The following R3HDM2 variants were observed in gnomAD, a reference collection of about 807,000 sequenced individuals.
R3HDM2 encodes R3H domain-containing protein 2.
A neutral mutation model predicts 124.5 loss-of-function variants in R3HDM2; 38 were observed. That is an observed-to-expected ratio of 0.31 (90% CI 0.24 to 0.40). The LOEUF is 0.40. Ranked by LOEUF, R3HDM2 falls within the 10% of genes least tolerant of loss-of-function variation. The pLI, the probability that R3HDM2 is intolerant of heterozygous loss-of-function variation, is 1.00. For synonymous variants in R3HDM2, 391 were observed against 448.0 expected, an observed-to-expected ratio of 0.87 and a Z score of 1.61; for missense variants, 869 against 1,236.9, an observed-to-expected ratio of 0.70 and a Z score of 4.46.
chr12:57,310,235 T>C (rs1260482577), intron 3 of R3HDM2, 29 bp downstream of exon 3: 5 of 1,445,132 alleles, frequency 3.5e-6, no homozygotes, highest in South Asian at 2.9e-5. Context: ...AAAAAAAAAG[T>C]GTGCATACAA....
At chr12:57,359,372 T>C (rs893515811) in intron 2 of R3HDM2, among the ~76,000 whole-genome samples, 14 of 152,202 alleles carry the variant, frequency 9.2e-5, no homozygotes, top group Admixed American at 6.5e-4. Flanking sequence ...TTTGGAACTA[T>C]TACTATATGT....
Position 57,427,390 on chromosome 12 carries a change from C to T in R3HDM2, c.-106+3330G>A, listed in dbSNP as rs567848009. Among the ~76,000 whole-genome samples the T allele has an allele frequency of 6.3e-4, 94 of 148,640 alleles. 1 individual carries two copies. The highest frequency in any genetic ancestry group is 2.3e-3 in the African/African-American group (92 of 40,566). On this transcript the variant is annotated intron_variant, in intron 1 of 23. Transcript: ENST00000402412. ...TTTGAGACAAAGTCTCAGTCTGTTG[C>T]CCAGGCTGGAGTGCAGTGGCACGAT...
rs1477006468 is a variant in R3HDM2 at position 57,254,581 on chromosome 12, C to G, written c.*192G>C. The G allele has an allele frequency of 5.5e-6, 3 of 549,212 alleles. No homozygotes were observed. The highest frequency in any genetic ancestry group is 9.4e-6 in the Non-Finnish European group (3 of 319,438). 34.0% of individuals were successfully genotyped at this position (549,212 alleles called of 1,614,324 possible). ...GGGTCAACCAGGGAAAAAGAGAGGA[C>G]CCATGGCAGGGGAGCAAGAAGGAGT... On this transcript the variant is annotated 3_prime_UTR_variant, in exon 24 of 24. Transcript: ENST00000402412.
At chr12:57,350,509 C>T (rs1050681063) in intron 2 of R3HDM2, among the ~76,000 whole-genome samples, 2 of 152,168 alleles carry the variant, frequency 1.3e-5, no homozygotes, top group African/African-American at 4.8e-5. Flanking sequence ...GATGGTTACC[C>T]TCTAATCCCA....
intron 14 of R3HDM2, among the ~76,000 whole-genome samples, 192 bp from the exon 15 acceptor site, chr12:57,270,186 CA>C (rs1221107947): frequency 6.6e-6 from 1 of 152,166 alleles, no homozygotes; most frequent in East Asian, 1.9e-4. Flanking sequence ...CTCTCTATCA[CA>C]TATGAGGTAA....
chr12:57,356,532 A>G (rs1017960304), intron 2 of R3HDM2, among the ~76,000 whole-genome samples: 1 of 152,192 alleles, frequency 6.6e-6, no homozygotes, highest in Non-Finnish European at 1.5e-5. Context: ...TACACAAGAA[A>G]ATTTGGTCTG....
chr12:57,385,120 C>T (rs2065523576), intron 2 of R3HDM2, among the ~76,000 whole-genome samples: 1 of 151,878 alleles, frequency 6.6e-6, no homozygotes, highest in African/African-American at 2.4e-5. Flanking sequence ...AGCCACTGCA[C>T]TCCAGCCTGG....
chr12:57,299,738 T>C (rs1456136933), intron 5 of R3HDM2, among the ~76,000 whole-genome samples: 1 of 152,214 alleles, frequency 6.6e-6, no homozygotes, highest in African/African-American at 2.4e-5. Flanking sequence ...GGAATGGTTC[T>C]AACCACCAGA....
chr12:57,257,035 T>C (rs1339061652), intron 21 of R3HDM2, among the ~76,000 whole-genome samples: 2 of 152,084 alleles, frequency 1.3e-5, no homozygotes, highest in African/African-American at 4.8e-5. Context: ...GGCCAGGCAG[T>C]CTTGAACTCC....
intron 2 of R3HDM2, among the ~76,000 whole-genome samples, chr12:57,317,828 T>C (rs1010599169): frequency 2.0e-5 from 3 of 148,142 alleles, no homozygotes; most frequent in African/African-American, 7.5e-5. Context: ...TACAAAAAAA[T>C]TACTAGCCGG....
At chr12:57,300,032 T>C (rs1205629945) in intron 5 of R3HDM2, 63 bp downstream of exon 5, 3 of 1,211,640 alleles carry the variant, frequency 2.5e-6, no homozygotes, top group South Asian at 1.3e-5. Flanking sequence ...GTGACTGCCA[T>C]ACTACATCTT....
chr12:57,431,063 A>G (rs1002865854), upstream of R3HDM2: 1 of 152,294 alleles, frequency 6.6e-6, no homozygotes, highest in East Asian at 1.9e-4. Context: ...CGTTGTCGTC[A>G]CCTCGTCCTG....
chr12:57,374,627 G>A (rs1193272689), intron 2 of R3HDM2, among the ~76,000 whole-genome samples: 1 of 132,464 alleles, frequency 7.5e-6, no homozygotes, highest in Non-Finnish European at 1.6e-5. Flanking sequence ...AGGTTGCAGT[G>A]AGCCAAGATC....
intron 2 of R3HDM2, among the ~76,000 whole-genome samples, chr12:57,338,025 C>T (rs919353372): frequency 1.2e-4 from 19 of 152,126 alleles, no homozygotes; most frequent in African/African-American, 4.6e-4. Context: ...CACGCATGGC[C>T]GGGTGCAGTG....
chr12:57,299,956 C>T, intron 5 of R3HDM2, 139 bp downstream of exon 5: 3 of 697,852 alleles, frequency 4.3e-6, no homozygotes, highest in Non-Finnish European at 7.5e-6. Flanking sequence ...AGACCATGCC[C>T]TGTTTTACTA....
intron 12 of R3HDM2, 72 bp downstream of exon 12, chr12:57,288,937 T>C (rs775675228): frequency 1.1e-5 from 17 of 1,550,524 alleles, no homozygotes; most frequent in Non-Finnish European, 1.5e-5. Flanking sequence ...AAGAAAAGCA[T>C]CATTACAGGA....
At chr12:57,348,250 C>G (rs2060256981) in intron 2 of R3HDM2, among the ~76,000 whole-genome samples, 1 of 151,904 alleles carries the variant, frequency 6.6e-6, no homozygotes, top group Admixed American at 6.6e-5. Flanking sequence ...ATGGCGAGAC[C>G]TCGTCTCCCT....
At chr12:57,258,535 G>A (rs1054664153) in intron 20 of R3HDM2, among the ~76,000 whole-genome samples, 1 of 151,652 alleles carries the variant, frequency 6.6e-6, no homozygotes, top group African/African-American at 2.4e-5. Context: ...AGTAGAGACG[G>A]GGTATCACCA....
chr12:57,413,428 TAAA>T (rs748462019), intron 1 of R3HDM2, among the ~76,000 whole-genome samples: 4 of 106,498 alleles, frequency 3.8e-5, no homozygotes, highest in African/African-American at 7.0e-5. Flanking sequence ...ACCTTCTATT[TAAA>T]AAAAAAAAAA....
Sources: gnomAD v4.1 joint callset for allele counts (sites outside exome capture counted in the v4.1 genomes callset) on GRCh38, gnomAD v4.1.1 for gene constraint, MANE v1.5 for transcripts, NCBI Gene and HGNC (gene_info 2026-07-23, HGNC 2026-07-21) for gene names.